LTBP1: variants seen among roughly 807,000 people sequenced by gnomAD.
LTBP1 encodes the protein latent-transforming growth factor beta-binding protein 1.
A neutral mutation model predicts 207.6 loss-of-function variants in LTBP1; 129 were observed. That is an observed-to-expected ratio of 0.62 (90% CI 0.54 to 0.72). The LOEUF (loss-of-function observed/expected upper bound fraction) is 0.72, where lower values mean the gene tolerates loss of function less well. LTBP1 is among the 30% of genes least tolerant of loss of function. The pLI is 0.00. For missense variants in LTBP1, 2,281 were observed against 2,217.2 expected, an observed-to-expected ratio of 1.03 and a Z score of -0.58; for synonymous variants, 963 against 833.7, an observed-to-expected ratio of 1.16 and a Z score of -2.67.
In LTBP1 at chr2:33,310,216, G is replaced by T. The variant is rs373334097; in HGVS notation, c.3604+660G>T. On this transcript the variant is annotated intron_variant, in intron 23 of 33. Coordinates refer to ENST00000404816, the MANE Select transcript of LTBP1 (RefSeq NM_206943.4). ...CCCGCTTTGGCCTCCAAAATGCTGG[G>T]ATTACAGGCATGAGCCACTGCACCT... Among the ~76,000 whole-genome samples, 25 of 152,176 alleles carry T rather than the reference G, an allele frequency of 1.6e-4. No homozygotes were observed. The East Asian group carries it at 4.6e-3, about 28-fold the overall frequency.
chr2:33,244,083 A>G (rs2092428154), intron 10 of LTBP1, among the ~76,000 whole-genome samples: 1 of 152,224 alleles, frequency 6.6e-6, no homozygotes, highest in Non-Finnish European at 1.5e-5. Flanking sequence ...TAAAATGGAC[A>G]TATCAAACTT....
intron 16 of LTBP1, among the ~76,000 whole-genome samples, chr2:33,274,682 T>C (rs1291727387): frequency 1.3e-5 from 2 of 152,234 alleles, no homozygotes; most frequent in Non-Finnish European, 2.9e-5. Context: ...TCTCTCGTTA[T>C]CAGGAGAATC....
intron 10 of LTBP1, among the ~76,000 whole-genome samples, chr2:33,245,109 A>G (rs2092466338): frequency 6.6e-6 from 1 of 152,032 alleles, no homozygotes. Flanking sequence ...TGAACTCATG[A>G]CCTCAGGTGA....
At chr2:33,315,466 A>G (rs1302759261) in intron 24 of LTBP1, among the ~76,000 whole-genome samples, 197 bp downstream of exon 24, 2 of 152,250 alleles carry the variant, frequency 1.3e-5, no homozygotes, top group South Asian at 2.1e-4. Flanking sequence ...ACCTAAGGTT[A>G]TGATGATAAA....
chr2:33,036,276 G>C (rs1395480691), intron 3 of LTBP1, among the ~76,000 whole-genome samples: 1 of 152,142 alleles, frequency 6.6e-6, no homozygotes, highest in Non-Finnish European at 1.5e-5. Flanking sequence ...CTCGCAGGTG[G>C]TGCCAATGCT....
chr2:33,368,737 C>T (rs555500794), intron 31 of LTBP1, among the ~76,000 whole-genome samples: 9 of 152,102 alleles, frequency 5.9e-5, no homozygotes, highest in Non-Finnish European at 1.2e-4. Context: ...ATTAGCTGAG[C>T]GTGGTGGTAC....
In LTBP1 at chr2:33,016,942, GAGGGACAGA is replaced by G. The variant is rs544754443; in HGVS notation, c.566-3964_566-3956del. 3.2e-4 allele frequency among the ~76,000 whole-genome samples: 48 copies of G among 152,314 alleles called. No individual in the cohort carries two copies. The East Asian group carries it at 8.1e-3, about 26-fold the overall frequency. ...TGAGGCAGGAGAATTGCTTGAATCT[GAGGGACAGA>G]AGTTGCAGTGAGTCAAGATCGTGCC... On this transcript the variant is annotated intron_variant, in intron 2 of 33. Transcript: ENST00000404816.
At chr2:33,277,881 G>A (rs1222470439) in intron 18 of LTBP1, among the ~76,000 whole-genome samples, 1 of 138,990 alleles carries the variant, frequency 7.2e-6, no homozygotes, top group Non-Finnish European at 1.5e-5. Context: ...CCAGGCTGGA[G>A]TGCAGTGGTG....
intron 10 of LTBP1, among the ~76,000 whole-genome samples, chr2:33,250,323 C>T (rs982390943): frequency 2.6e-5 from 4 of 152,162 alleles, no homozygotes; most frequent in Admixed American, 6.5e-5. Flanking sequence ...AGTAAAATTT[C>T]GGTTTGGGAG....
At chr2:33,332,582 A>G (rs1037293151) in intron 24 of LTBP1, among the ~76,000 whole-genome samples, 1 of 151,056 alleles carries the variant, frequency 6.6e-6, no homozygotes, top group Admixed American at 6.6e-5. Flanking sequence ...TTTTATATGG[A>G]GTCTTGCTCT....
intron 3 of LTBP1, among the ~76,000 whole-genome samples, chr2:33,079,546 C>A (rs139669008): frequency 8.7e-4 from 132 of 152,222 alleles, no homozygotes; most frequent in African/African-American, 3.0e-3. Flanking sequence ...CAGGCATTTC[C>A]ATTTTTACCA....
At chr2:33,058,137 A>G (rs1296358104) in intron 3 of LTBP1, among the ~76,000 whole-genome samples, 3 of 152,252 alleles carry the variant, frequency 2.0e-5, no homozygotes, top group African/African-American at 4.8e-5. Flanking sequence ...ACAGTTAATG[A>G]GAAGCATTTC....
intron 24 of LTBP1, among the ~76,000 whole-genome samples, chr2:33,336,066 A>T (rs1004527636): frequency 5.3e-5 from 8 of 152,198 alleles, no homozygotes; most frequent in Non-Finnish European, 1.5e-5. Context: ...CATGGCCCAC[A>T]GTAGCTCTAG....
At chr2:33,089,310 A>T (rs1414968887) in intron 3 of LTBP1, among the ~76,000 whole-genome samples, 1 of 152,204 alleles carries the variant, frequency 6.6e-6, no homozygotes, top group Non-Finnish European at 1.5e-5. Flanking sequence ...AGCAGCATAG[A>T]ACATTTATTT....
At chr2:33,063,677 T>A (rs2077370000) in intron 3 of LTBP1, among the ~76,000 whole-genome samples, 1 of 152,138 alleles carries the variant, frequency 6.6e-6, no homozygotes, top group Non-Finnish European at 1.5e-5. Flanking sequence ...GTCCTGAGAA[T>A]GAAGGGTTTG....
chr2:33,190,169 A>G (rs564552450), intron 7 of LTBP1, among the ~76,000 whole-genome samples: 1 of 152,342 alleles, frequency 6.6e-6, no homozygotes, highest in African/African-American at 2.4e-5. Flanking sequence ...TGCATAGCGA[A>G]GACAACCTAA....
chr2:32,956,142 G>A (rs1410644534), intron 2 of LTBP1, among the ~76,000 whole-genome samples: 2 of 152,166 alleles, frequency 1.3e-5, no homozygotes, highest in Non-Finnish European at 2.9e-5. Flanking sequence ...CTAGTGGAAG[G>A]TCTTGCCTTG....
At chr2:33,310,695 G>C (rs966459950) in intron 23 of LTBP1, among the ~76,000 whole-genome samples, 1 of 152,158 alleles carries the variant, frequency 6.6e-6, no homozygotes, top group Non-Finnish European at 1.5e-5. Flanking sequence ...GAAATTAAGT[G>C]ATTTCTCTCA....
Position 33,262,718 on chromosome 2 carries a change from C to G in LTBP1, c.2419-4C>G, listed in dbSNP as rs766318810. 2 of 1,529,106 alleles carry G rather than the reference C, an allele frequency of 1.3e-6. No homozygotes were observed. The highest frequency in any genetic ancestry group is 2.3e-5 in the East Asian group (1 of 44,100). The allele number at this position is 1,529,106 out of a possible 1,614,324, so 94.7% of individuals were successfully genotyped here. Reference sequence around the variant, plus strand: ...TTATTCTCTTTTAAAATACAACCATCCAGGAAATACCTTCATTGGATCAAG... The same window carrying G: ...TTATTCTCTTTTAAAATACAACCATGCAGGAAATACCTTCATTGGATCAAG... On this transcript the variant is annotated splice_polypyrimidine_tract_variant and splice_region_variant and intron_variant, in intron 13 of 33. Coordinates refer to ENST00000404816, the MANE Select transcript of LTBP1 (RefSeq NM_206943.4).
Sources: allele counts gnomAD v4.1 joint callset (sites outside exome capture counted in the v4.1 genomes callset), GRCh38; gene constraint gnomAD v4.1.1; transcripts MANE v1.5; gene names NCBI Gene and HGNC (gene_info 2026-07-23, HGNC 2026-07-21).